The following TANC2 variants were observed in gnomAD, a reference collection of about 807,000 sequenced individuals.
The protein encoded by TANC2 is tetratricopeptide repeat, ankyrin repeat and coiled-coil containing 2, also known as protein TANC2.
Under a neutral mutation model 210.5 loss-of-function variants are expected in TANC2, and 26 were observed. The ratio of observed to expected loss-of-function variants is 0.12; its 90% CI spans 0.09 to 0.17. The LOEUF (loss-of-function observed/expected upper bound fraction) is 0.17. TANC2 is among the 10% of genes least tolerant of loss of function. The pLI, the probability that TANC2 is intolerant of heterozygous loss-of-function variation, is 1.00. For missense variants in TANC2, 2,129 were observed against 2,608.9 expected (o/e 0.82, Z 4.01); for synonymous variants, 931 against 967.1 (o/e 0.96, Z 0.69).
chr17:63,267,230 A>G (rs1022776662), intron 8 of TANC2, among the ~76,000 whole-genome samples: 4 of 152,160 alleles, frequency 2.6e-5, no homozygotes, highest in Middle Eastern at 3.4e-3. Flanking sequence ...TTTTTCTTTC[A>G]CTCAGTTTTT....
chr17:63,235,888 CATTA>C (rs1468415918), intron 7 of TANC2, among the ~76,000 whole-genome samples: 1 of 151,948 alleles, frequency 6.6e-6, no homozygotes, highest in African/African-American at 2.4e-5. Context: ...TCATTTCTAG[CATTA>C]ATTAAAATTT....
Position 63,327,306 on chromosome 17 carries a change from C to T in TANC2, c.1575+8216C>T, listed in dbSNP as rs139553493. Among the ~76,000 whole-genome samples, 658 of 152,304 alleles carry T rather than the reference C, an allele frequency of 4.3e-3. 6 individuals carry two copies. The highest frequency in any genetic ancestry group is 0.014 in the African/African-American group (574 of 41,560). On this transcript the variant is annotated intron_variant, in intron 11 of 27. Coordinates refer to ENST00000689528, the Ensembl canonical transcript of TANC2. ...AAATTAGTACAGCCATTATGGAAAA[C>T]AGCATGGAGGTTCCTCAAAAAACTA...
At chr17:63,401,888 TC>T (rs1456956873) in intron 19 of TANC2, among the ~76,000 whole-genome samples, 1 of 152,286 alleles carries the variant, frequency 6.6e-6, no homozygotes, top group East Asian at 1.9e-4. Flanking sequence ...TTCCTTTAAT[TC>T]CTGCCCTCAT....
intron 14 of TANC2, among the ~76,000 whole-genome samples, chr17:63,357,524 T>C (rs1215663432): frequency 2.0e-5 from 3 of 152,228 alleles, no homozygotes; most frequent in Admixed American, 6.5e-5. Context: ...GATCATCTTA[T>C]TTCACTTAAT....
chr17:63,043,179 A>G lies in TANC2; in HGVS notation c.68-30764A>G, dbSNP rs191802688. ...GTTAAGTAGATTGAAGACAGCACAT[A>G]CATTCACGTATCTTGTCTCTCACAT... On this transcript the variant is annotated intron_variant, in intron 2 of 27. Transcript: ENST00000689528. Among the ~76,000 whole-genome samples, 8 of 152,212 alleles carry G rather than the reference A, an allele frequency of 5.3e-5. No homozygotes were observed. In the East Asian group the frequency reaches 1.5e-3, roughly 29 times the overall value.
intron 4 of TANC2, among the ~76,000 whole-genome samples, chr17:63,145,690 C>A (rs1292289078): frequency 1.3e-5 from 2 of 152,056 alleles, no homozygotes; most frequent in Non-Finnish European, 1.5e-5. Context: ...GGTATTAATA[C>A]CCTTGTCAAA....
chr17:63,296,753 G>A (rs1331415857), intron 9 of TANC2, among the ~76,000 whole-genome samples: 3 of 152,118 alleles, frequency 2.0e-5, no homozygotes, highest in African/African-American at 7.2e-5. Flanking sequence ...AGAAATTCTG[G>A]AGTTGAAAAG....
intron 2 of TANC2, among the ~76,000 whole-genome samples, chr17:63,029,417 A>G (rs1418590626): frequency 6.7e-6 from 1 of 149,144 alleles, no homozygotes; most frequent in African/African-American, 2.5e-5. Flanking sequence ...TATAATACAT[A>G]TTTGTTAAAT....
intron 1 of TANC2, among the ~76,000 whole-genome samples, chr17:62,976,581 G>T (rs1380067482): frequency 6.6e-6 from 1 of 151,436 alleles, no homozygotes; most frequent in African/African-American, 2.4e-5. Flanking sequence ...TTAGAATCTT[G>T]TAAAAAATAA....
intron 9 of TANC2, among the ~76,000 whole-genome samples, chr17:63,281,451 T>C (rs1398604825): frequency 6.6e-6 from 1 of 152,082 alleles, no homozygotes; most frequent in African/African-American, 2.4e-5. Context: ...GAAATCCTAA[T>C]AAGCTCTGCA....
intron 2 of TANC2, among the ~76,000 whole-genome samples, chr17:63,031,171 C>T (rs924267971): frequency 2.6e-5 from 4 of 152,032 alleles, no homozygotes; most frequent in Non-Finnish European, 5.9e-5. Context: ...GGGGAATTCT[C>T]TTCTGGAATA....
At chr17:63,242,718 A>G (rs1399997332) in intron 8 of TANC2, among the ~76,000 whole-genome samples, 3 of 152,204 alleles carry the variant, frequency 2.0e-5, no homozygotes, top group Non-Finnish European at 4.4e-5. Context: ...TGTAGTAGCC[A>G]GTAACTGAGC....
chr17:63,232,313 A>G lies in TANC2; in HGVS notation c.770-5501A>G, dbSNP rs145128091. Among the ~76,000 whole-genome samples, 245 of 152,308 alleles carry G rather than the reference A, an allele frequency of 1.6e-3. 3 individuals carry two copies. Among genetic ancestry groups the G allele is most frequent in the African/African-American group, 5.6e-3 (232 of 41,562 alleles). On this transcript the variant is annotated intron_variant, in intron 7 of 27. Transcript: ENST00000689528. ...TGCCCTTTGCTGGAGAGGTGTTGCA[A>G]TCATTTGAAGGAGAAGAGCACTCTG... is the stretch of plus-strand genomic sequence containing the variant.
At chr17:63,243,523 TACA>T (rs1199785738) in intron 8 of TANC2, among the ~76,000 whole-genome samples, 1 of 152,232 alleles carries the variant, frequency 6.6e-6, no homozygotes, top group East Asian at 1.9e-4. Context: ...ACACTACTGT[TACA>T]ACATCGTGAA....
At chr17:63,413,459 C>A in intron 24 of TANC2, 84 bp from the exon 25 acceptor site, 1 of 1,065,860 alleles carries the variant, frequency 9.4e-7, no homozygotes, top group Non-Finnish European at 1.4e-6. Context: ...GCAGAAATTC[C>A]CCTAGGGTAT....
rs1180329122 is a variant in TANC2 at position 63,267,938 on chromosome 17, G to GTT, written c.1159+66_1159+67dup. On this transcript the variant is annotated intron_variant, in intron 9 of 27. Transcript: ENST00000689528. ...GATGGAAATGGGCAAAAGCCAAAAAGTTGCTTTGTCTCCTATTCCCATACT... is the reference window on the plus strand; with the variant it reads ...GATGGAAATGGGCAAAAGCCAAAAAGTTTTGCTTTGTCTCCTATTCCCATACT... The GTT allele has an allele frequency of 3.9e-6, 6 of 1,538,646 alleles. No individual in the cohort carries two copies. In the Admixed American group the frequency reaches 5.8e-5, roughly 15 times the overall value.
chr17:63,272,333 A>T (rs1191740936), intron 9 of TANC2, among the ~76,000 whole-genome samples: 1 of 152,106 alleles, frequency 6.6e-6, no homozygotes, highest in African/African-American at 2.4e-5. Flanking sequence ...TTGTACCAGT[A>T]CCATGCTGTT....
At chr17:63,211,126 G>A (rs911059250) in intron 7 of TANC2, among the ~76,000 whole-genome samples, 2 of 151,862 alleles carry the variant, frequency 1.3e-5, no homozygotes, top group Non-Finnish European at 2.9e-5. Flanking sequence ...TGTTCTTTCT[G>A]TTGTTTTTCA....
chr17:63,056,404 G>A (rs929651253), intron 2 of TANC2, among the ~76,000 whole-genome samples: 10 of 152,052 alleles, frequency 6.6e-5, no homozygotes, highest in Non-Finnish European at 1.5e-4. Context: ...GATGCTGGGT[G>A]TGGTGACTCA....
Sources: gnomAD v4.1 joint callset for allele counts (sites outside exome capture counted in the v4.1 genomes callset) on GRCh38, gnomAD v4.1.1 for gene constraint, MANE v1.5 for transcripts, NCBI Gene and HGNC (gene_info 2026-07-23, HGNC 2026-07-21) for gene names.